BTNL8: variants seen among roughly 807,000 people sequenced by gnomAD.
BTNL8 encodes the protein butyrophilin like 8.
Under a neutral mutation model 36.1 loss-of-function variants are expected in BTNL8, and 22 were observed. That is an observed-to-expected ratio of 0.61 (90% CI 0.44 to 0.87). The LOEUF (loss-of-function observed/expected upper bound fraction) is 0.87. Among genes scored for constraint, BTNL8 ranks in the 40% least tolerant of loss-of-function variants. The pLI, the probability that BTNL8 is intolerant of heterozygous loss-of-function variation, is 0.00. For synonymous variants in BTNL8, 203 were observed against 235.6 expected (o/e 0.86, Z 1.27); for missense variants, 526 against 616.9 (o/e 0.85, Z 1.56).
intron 3 of BTNL8, among the ~76,000 whole-genome samples, chr5:180,912,692 C>T (rs1380263357): frequency 6.6e-6 from 1 of 152,048 alleles, no homozygotes; most frequent in Non-Finnish European, 1.5e-5. Flanking sequence ...AGCAAGACCC[C>T]GTCTTCAAAC....
In BTNL8 at chr5:180,950,604, G is replaced by A; in HGVS notation, c.*60G>A. On this transcript the variant is annotated 3_prime_UTR_variant, in exon 8 of 8. Transcript: ENST00000340184. The stretch of plus-strand genomic sequence containing the variant: ...TTAAGGTCTCTCTCCCAGATCCAAA[G>A]TCCCGCAGCAGCCGGCCAAGGTGGC... 7.0e-7 allele frequency: 1 copy of A among 1,422,086 alleles called. No individual in the cohort carries two copies. Among genetic ancestry groups the A allele is most frequent in the Non-Finnish European group, 9.6e-7 (1 of 1,037,370 alleles). 88.1% of individuals were successfully genotyped at this position (1,422,086 alleles called of 1,614,324 possible). A position where few individuals can be genotyped will look rare whatever the true frequency, so the allele number is the denominator to read the frequency against.
Position 180,950,878 on chromosome 5 carries a change from G to T in BTNL8, c.*334G>T. On this transcript the variant is annotated 3_prime_UTR_variant, in exon 8 of 8. Transcript: ENST00000340184. ...ATTGATGACAGAGTGTATCCTAATG[G>T]TTTGTTCATTATATTACACTTTCAG... 3.2e-6 allele frequency: 1 copy of T among 311,410 alleles called. No individual in the cohort carries two copies. The highest frequency in any genetic ancestry group is 6.3e-6 in the Non-Finnish European group (1 of 158,024). The allele number at this position is 311,410 out of a possible 1,614,324, so 19.3% of individuals were successfully genotyped here.
intron 3 of BTNL8, among the ~76,000 whole-genome samples, chr5:180,922,224 C>T (rs990524476): frequency 1.3e-5 from 2 of 151,920 alleles, no homozygotes; most frequent in Non-Finnish European, 2.9e-5. Context: ...TATGTCTTAT[C>T]TTCTGCTAAC....
In BTNL8 at chr5:180,938,606, C is replaced by T. The variant is rs997328691; in HGVS notation, c.674-8906C>T. Among the ~76,000 whole-genome samples, 24 of 149,372 alleles carry T rather than the reference C, an allele frequency of 1.6e-4. 1 individual carries two copies. The highest frequency in any genetic ancestry group is 3.9e-4 in the East Asian group (2 of 5,102). ...AGGCTGGAATCCACTGGCACGATTT[C>T]GGCTCACTGCAGCCTCTGACTCCCT... is the stretch of plus-strand genomic sequence containing the variant. On this transcript the variant is annotated intron_variant, in intron 3 of 7. Coordinates refer to ENST00000340184, the MANE Select transcript of BTNL8 (RefSeq NM_001040462.3).
At chr5:180,947,649 G>A in intron 4 of BTNL8, 24 bp downstream of exon 4, 1 of 1,614,176 alleles carries the variant, frequency 6.2e-7, no homozygotes, top group South Asian at 1.1e-5. Flanking sequence ...AGAAGCATGG[G>A]CCGGTGCCTT....
intron 3 of BTNL8, among the ~76,000 whole-genome samples, chr5:180,912,055 G>T (rs1052373767): frequency 6.6e-6 from 1 of 152,160 alleles, no homozygotes; most frequent in East Asian, 1.9e-4. Flanking sequence ...ACAAAGGGTC[G>T]ACCCTCCCCT....
chr5:180,930,149 G>A (rs549722895), intron 3 of BTNL8, among the ~76,000 whole-genome samples: 1 of 152,334 alleles, frequency 6.6e-6, no homozygotes. Flanking sequence ...TGGGATGCAA[G>A]GCTGGTTCAA....
chr5:180,923,550 G>T (rs1200210281), intron 3 of BTNL8, among the ~76,000 whole-genome samples: 4 of 152,008 alleles, frequency 2.6e-5, no homozygotes, highest in African/African-American at 9.7e-5. Context: ...AATACCCATA[G>T]CTACCATGAT....
At chr5:180,932,998 TA>T (rs1351924832) in intron 3 of BTNL8, among the ~76,000 whole-genome samples, 3 of 78,854 alleles carry the variant, frequency 3.8e-5, no homozygotes, top group Non-Finnish European at 7.3e-5. Flanking sequence ...TCCATGCAAA[TA>T]AAAACCAAAA....
Position 180,950,501 on chromosome 5 carries a change from C to T in BTNL8, c.1460C>T (p.Ser487Phe), listed in dbSNP as rs760138085. The T allele has an allele frequency of 2.7e-6, 4 of 1,463,380 alleles. 2 individuals are homozygous for T. The highest frequency in any genetic ancestry group is 3.8e-6 in the Non-Finnish European group (4 of 1,059,154). The allele number at this position is 1,463,380 out of a possible 1,614,324, so 90.6% of individuals were successfully genotyped here. A position where few individuals can be genotyped will look rare whatever the true frequency, so the allele number is the denominator to read the frequency against. ...CCAGAGACAAGCAACAGTGAGTCCT[C>T]CTCACAGGCAACCACGCCCTTCCTC... ...AIPETSNSESSSQATTPFLPR... is the reference protein window; with the variant it reads ...AIPETSNSESFSQATTPFLPR... Residue 487 changes from serine (S) to phenylalanine (F), a missense_variant, in exon 8 of 8, where the codon TCC becomes TTC. By Grantham distance (155) the Ser-to-Phe change is radical. Coordinates refer to ENST00000340184, the MANE Select transcript of BTNL8 (RefSeq NM_001040462.3).
chr5:180,905,445 C>CT, intron 1 of BTNL8, among the ~76,000 whole-genome samples: 1 of 98,578 alleles, frequency 1.0e-5, no homozygotes, highest in East Asian at 2.6e-4. Flanking sequence ...TGCTAGCGGT[C>CT]TATCAATTTT....
chr5:180,911,860 A>T (rs960166622), intron 3 of BTNL8, among the ~76,000 whole-genome samples: 5 of 152,132 alleles, frequency 3.3e-5, no homozygotes, highest in Non-Finnish European at 7.4e-5. Flanking sequence ...TAACCCTGTG[A>T]TGGTTAATTT....
rs1441757055 is a variant in BTNL8 at position 180,945,910 on chromosome 5, G to A, written c.674-1602G>A. 1.3e-5 allele frequency: 4 copies of A among 312,796 alleles called. No individual in the cohort carries two copies. In the East Asian group the frequency reaches 3.2e-4, roughly 25 times the overall value. 19.4% of individuals were successfully genotyped at this position (312,796 alleles called of 1,614,324 possible). A position where few individuals can be genotyped will look rare whatever the true frequency, so the allele number is the denominator to read the frequency against. On this transcript the variant is annotated intron_variant, in intron 3 of 7. Coordinates refer to ENST00000340184, the MANE Select transcript of BTNL8 (RefSeq NM_001040462.3). The stretch of plus-strand genomic sequence containing the variant: ...TATGTTTCATTAAGTTGAACTAAGT[G>A]CTCTTCCTTGAATGGATTATCCAAG...
intron 3 of BTNL8, among the ~76,000 whole-genome samples, chr5:180,936,883 C>T (rs901755020): frequency 6.6e-6 from 1 of 152,212 alleles, no homozygotes; most frequent in Non-Finnish European, 1.5e-5. Context: ...GTACACCACA[C>T]ATGTTCCCCA....
At position 180,949,491 on chromosome 5, in the gene BTNL8, G is replaced by A; in HGVS notation, c.862+226G>A. On this transcript the variant is annotated intron_variant, in intron 7 of 7. Transcript: ENST00000340184. ...ACAGGGGCTGGGTAAACGGGAGACG[G>A]GGGGGTCTTTGGCACAGTTTCAGGG... 3 of 708,570 alleles carry A rather than the reference G, an allele frequency of 4.2e-6. 1 individual carries two copies. The highest frequency in any genetic ancestry group is 6.6e-6 in the Non-Finnish European group (3 of 453,092). 43.9% of individuals were successfully genotyped at this position (708,570 alleles called of 1,614,324 possible).
chr5:180,940,760 T>A (rs547126205), intron 3 of BTNL8, among the ~76,000 whole-genome samples: 1 of 152,062 alleles, frequency 6.6e-6, no homozygotes. Context: ...AAAGGATCAT[T>A]GGAGACTATT....
chr5:180,947,992 T>G, intron 4 of BTNL8: 1 of 674,110 alleles, frequency 1.5e-6, no homozygotes, highest in Non-Finnish European at 2.4e-6. Flanking sequence ...GATAAAATTA[T>G]ATTCAGTCTC....
intron 3 of BTNL8, among the ~76,000 whole-genome samples, chr5:180,941,088 GGGA>G (rs1758913779): frequency 1.9e-5 from 1 of 51,696 alleles, no homozygotes; most frequent in Non-Finnish European, 4.0e-5. Context: ...AGAGGTGGAA[GGGA>G]GGGAGGGAGG....
intron 3 of BTNL8, among the ~76,000 whole-genome samples, chr5:180,933,133 A>G (rs1758483837): frequency 6.6e-6 from 1 of 152,216 alleles, no homozygotes; most frequent in African/African-American, 2.4e-5. Flanking sequence ...ACATATAACA[A>G]TATAAATATA....
Sources: allele counts gnomAD v4.1 joint callset (sites outside exome capture counted in the v4.1 genomes callset), GRCh38; gene constraint gnomAD v4.1.1; transcripts MANE v1.5; gene names NCBI Gene and HGNC (gene_info 2026-07-23, HGNC 2026-07-21).